Variants in RRP1 observed in about 807,000 individuals in gnomAD.
RRP1 encodes ribosomal RNA processing 1.
Under a neutral mutation model 54.6 loss-of-function variants are expected in RRP1, and 37 were observed. The observed-to-expected ratio is 0.68, with a 90% CI of 0.52 to 0.89. RRP1 has a LOEUF of 0.89. Among genes scored for constraint, RRP1 ranks in the 40% least tolerant of loss-of-function variants. The pLI is 0.00. For synonymous variants in RRP1, 262 were observed against 244.3 expected, an observed-to-expected ratio of 1.07 and a Z score of -0.67; for missense variants, 639 against 612.5, an observed-to-expected ratio of 1.04 and a Z score of -0.46.
rs376701307 is a variant in RRP1, at chr21:43,792,122, C to T, written c.217-550C>T. 5.9e-5 allele frequency among the ~76,000 whole-genome samples: 9 copies of T among 152,312 alleles called. No homozygotes were observed. The East Asian group carries it at 1.5e-3, about 26-fold the overall frequency. On this transcript the variant is annotated intron_variant, in intron 2 of 12. Coordinates refer to ENST00000497547, the MANE Select transcript of RRP1 (RefSeq NM_003683.6). ...AAATTGTGAATTTTGTGCTCTCCTT[C>T]AAAATCTCCTGGGTGGTGAGGGTAC... is the stretch of plus-strand genomic sequence containing the variant.
At position 43,799,356 on chromosome 21, in the gene RRP1, G is replaced by A. The variant is rs188675136; in HGVS notation, c.812-214G>A. Among the ~76,000 whole-genome samples the A allele has an allele frequency of 8.9e-4, 106 of 119,540 alleles. 1 individual carries two copies. The highest frequency in any genetic ancestry group is 4.3e-3 in the Admixed American group (50 of 11,500). The allele number at this position is 119,540 out of a possible 152,430, so 78.4% of individuals were successfully genotyped here. A position where few individuals can be genotyped will look rare whatever the true frequency, so the allele number is the denominator to read the frequency against. ...TCATCCTGTCCATACGAGATTAGAG[G>A]TCACATGGCACCTAGTATCTGCCTT... On this transcript the variant is annotated intron_variant, in intron 8 of 12. Transcript: ENST00000497547.
At chr21:43,802,556 C>T in intron 12 of RRP1, 169 bp downstream of exon 12, 1 of 603,704 alleles carries the variant, frequency 1.7e-6, no homozygotes, top group South Asian at 1.8e-5. Flanking sequence ...CGGCATCCCT[C>T]CTGTAGGCCT....
rs1457974215 is a variant in RRP1, at chr21:43,789,964, C to A, written c.133+202C>A. Among the ~76,000 whole-genome samples, 3 of 149,738 alleles carry A rather than the reference C, an allele frequency of 2.0e-5. No homozygotes were observed. The South Asian group carries it at 6.4e-4, about 32-fold the overall frequency. On this transcript the variant is annotated intron_variant, in intron 1 of 12. Coordinates refer to ENST00000497547, the MANE Select transcript of RRP1 (RefSeq NM_003683.6). ...CGCTTTCCCTCGTGGTGCGGTGACTCTGGTCCCTCTGCGAGAACGCTCCTC... is the reference window on the plus strand; with the variant it reads ...CGCTTTCCCTCGTGGTGCGGTGACTATGGTCCCTCTGCGAGAACGCTCCTC...
chr21:43,789,670 C>A lies in RRP1; in HGVS notation c.41C>A (p.Ala14Asp). ...RVQLPPEIQL[A>D]QRLAGNEQVT... is the part of the protein sequence containing the mutation. Reference sequence around the variant, plus strand: ...CAGCTCCCGCCTGAGATCCAGCTGGCTCAGCGCCTGGCGGGGAATGAGCAG... The same window carrying A: ...CAGCTCCCGCCTGAGATCCAGCTGGATCAGCGCCTGGCGGGGAATGAGCAG... The change falls in exon 1 of 13, where the codon GCT becomes GAT. Residue 14 changes from alanine to aspartate, a missense_variant. Coordinates refer to ENST00000497547, the MANE Select transcript of RRP1 (RefSeq NM_003683.6). 6.3e-7 allele frequency: 1 copy of A among 1,576,878 alleles called. No homozygotes were observed. Among genetic ancestry groups the A allele is most frequent in the East Asian group, 2.4e-5 (1 of 42,060 alleles).
At chr21:43,790,528 G>C (rs2084946059) in intron 1 of RRP1, 1 of 157,510 alleles carries the variant, frequency 6.3e-6, no homozygotes, top group African/African-American at 2.4e-5. Flanking sequence ...GCAGGAACAG[G>C]TTGCCAGACA....
At position 43,797,631 on chromosome 21, in the gene RRP1, C is replaced by T. The variant is rs1460106035; in HGVS notation, c.553C>T (p.Leu185Phe). The T allele has an allele frequency of 1.9e-6, 3 of 1,614,208 alleles. No individual in the cohort carries two copies. Among genetic ancestry groups the T allele is most frequent in the East Asian group, 4.5e-5 (2 of 44,880 alleles). ...GAGCTCCCGCTGGCTTTCCCCGTAG[C>T]TTACGGCAGACCAGAACCTGAAGTT... Reference protein sequence around the residue: ...EELTKVGAEELTADQNLKFID... With the variant: ...EELTKVGAEEFTADQNLKFID... The change falls in exon 7 of 13, where the codon CTT (leucine) becomes TTT (phenylalanine). Residue 185 changes from leucine (L) to phenylalanine (F), a missense_variant and splice_region_variant. Leu to Phe is a conservative substitution (Grantham distance 22, BLOSUM62 0). Transcript: ENST00000497547.
intron 1 of RRP1, 54 bp downstream of exon 1, chr21:43,789,816 G>C: frequency 6.9e-7 from 1 of 1,443,948 alleles, no homozygotes; most frequent in South Asian, 1.4e-5. Context: ...GCTGGTGCGG[G>C]TGTGGGCGGC....
chr21:43,797,503 C>G lies in RRP1; in HGVS notation c.504C>G (p.His168Gln). The G allele has an allele frequency of 6.2e-7, 1 of 1,614,026 alleles. No individual in the cohort carries two copies. The change falls in exon 6 of 13, where the codon CAC (histidine) becomes CAG (glutamine). Residue 168 changes from histidine to glutamine, a missense_variant. Transcript: ENST00000497547. ...AGGCCCCCAACGGTGTGAAGAGCCA[C>G]TTCATCGAGATCTTCCTGGAGGAGC... is the stretch of plus-strand genomic sequence containing the variant. ...SSQAPNGVKS[H>Q]FIEIFLEELT...
At chr21:43,802,884 C>T (rs1258714786) in intron 12 of RRP1, among the ~76,000 whole-genome samples, 3 of 152,248 alleles carry the variant, frequency 2.0e-5, no homozygotes, top group African/African-American at 2.4e-5. Flanking sequence ...CCTGGGTCCG[C>T]GGCAGACCAC....
chr21:43,789,858 G>A lies in RRP1; in HGVS notation c.133+96G>A, dbSNP rs571354730. ...CGGAGCTGGGGGCCCTCCGAGCCCT[G>A]TGGAACCTCCACGTGGCCGGGCCGG... On this transcript the variant is annotated intron_variant, in intron 1 of 12. Coordinates refer to ENST00000497547, the MANE Select transcript of RRP1 (RefSeq NM_003683.6). The A allele has an allele frequency of 2.0e-5, 27 of 1,352,652 alleles. No homozygotes were observed. The South Asian group carries it at 4.4e-4, about 22-fold the overall frequency. The allele number at this position is 1,352,652 out of a possible 1,614,324, so 83.8% of individuals were successfully genotyped here. A position where few individuals can be genotyped will look rare whatever the true frequency, so the allele number is the denominator to read the frequency against.
chr21:43,795,141 G>C, intron 4 of RRP1, 48 bp from the exon 5 acceptor site: 1 of 1,573,900 alleles, frequency 6.4e-7, no homozygotes, highest in Non-Finnish European at 8.7e-7. Flanking sequence ...GTGGTCTGGC[G>C]AAGTAGGGCT....
Position 43,800,610 on chromosome 21 carries a change from C to T in RRP1, c.985C>T (p.Arg329Trp), listed in dbSNP as rs376330937. ...QNRKRLYKVI[R>W]KLQDLAGGIF... ...CAGAAAGCGTCTCTACAAAGTGATC[C>T]GGAAGTGAGTGTGTGAGGGCGCTGC... is the stretch of plus-strand genomic sequence containing the variant. Residue 329 changes from arginine (R) to tryptophan (W), a missense_variant, in exon 10 of 13, where the codon CGG becomes TGG. Arg to Trp is a moderately radical substitution (Grantham distance 101, BLOSUM62 -3). Transcript: ENST00000497547. 104 of 1,613,984 alleles carry T rather than the reference C, an allele frequency of 6.4e-5. No individual in the cohort carries two copies. Among genetic ancestry groups the T allele is most frequent in the Middle Eastern group, 4.9e-4 (3 of 6,080 alleles).
Position 43,803,782 on chromosome 21 carries a change from G to A in RRP1, c.*8G>A, listed in dbSNP as rs1036332453. ...AAGAAACGCAGGGAGTGATGTGGCC[G>A]GGCCAAGGACAGGCAGGGAGGGAGG... On this transcript the variant is annotated 3_prime_UTR_variant, in exon 13 of 13. Transcript: ENST00000497547. 7 of 1,569,106 alleles carry A rather than the reference G, an allele frequency of 4.5e-6. No individual in the cohort carries two copies. Among genetic ancestry groups the A allele is most frequent in the South Asian group, 1.2e-5 (1 of 85,180 alleles).
At chr21:43,799,464 G>A in intron 8 of RRP1, 106 bp from the exon 9 acceptor site, 1 of 1,188,102 alleles carries the variant, frequency 8.4e-7, no homozygotes, top group South Asian at 1.3e-5. Flanking sequence ...TCCCGCCTGT[G>A]CCCGTGCTCC....
At chr21:43,798,528 C>G (rs541301655) in intron 8 of RRP1, among the ~76,000 whole-genome samples, 20 of 152,300 alleles carry the variant, frequency 1.3e-4, no homozygotes, top group Admixed American at 5.9e-4. Context: ...GGATGTGAAT[C>G]ACTTGCTCCT....
intron 1 of RRP1, chr21:43,790,880 C>T (rs555653353): frequency 1.6e-3 from 663 of 416,562 alleles, no homozygotes; most frequent in South Asian, 2.7e-3. Flanking sequence ...CGTGAGCCAC[C>T]GCACCTGGCC....
At chr21:43,795,069 G>A in intron 4 of RRP1, 120 bp from the exon 5 acceptor site, 1 of 920,738 alleles carries the variant, frequency 1.1e-6, no homozygotes, top group Non-Finnish European at 1.8e-6. Context: ...GTGTGCTGGG[G>A]CCGGCAGAGG....
chr21:43,790,605 T>G (rs1801185479), intron 1 of RRP1: 1 of 164,988 alleles, frequency 6.1e-6, no homozygotes, highest in Non-Finnish European at 1.3e-5. Flanking sequence ...TTTTTCTGAG[T>G]GAGACAGACC....
At chr21:43,799,493 G>A (rs950303643) in intron 8 of RRP1, 77 bp from the exon 9 acceptor site, 36 of 1,457,592 alleles carry the variant, frequency 2.5e-5, no homozygotes, top group South Asian at 1.6e-4. Context: ...TGCACGGAGC[G>A]GGCTCTCCAT....
Sources: gnomAD v4.1 joint callset for allele counts (sites outside exome capture counted in the v4.1 genomes callset) on GRCh38, gnomAD v4.1.1 for gene constraint, MANE v1.5 for transcripts, NCBI Gene and HGNC (gene_info 2026-07-23, HGNC 2026-07-21) for gene names.